Variants in CNTLN observed in about 807,000 individuals in gnomAD.
The protein encoded by CNTLN is centlein.
CNTLN carries 212 observed loss-of-function variants against 180.0 expected under a neutral mutation model. That is an observed-to-expected ratio of 1.18 (90% CI 1.05 to 1.32). The LOEUF (loss-of-function observed/expected upper bound fraction) is 1.32. CNTLN is among the 40% of genes most tolerant of loss of function. The pLI is 0.00. For synonymous variants in CNTLN, 722 were observed against 563.1 expected, an observed-to-expected ratio of 1.28 and a Z score of -3.99; for missense variants, 2,095 against 1,610.9, an observed-to-expected ratio of 1.30 and a Z score of -5.14.
intron 8 of CNTLN, among the ~76,000 whole-genome samples, chr9:17,312,116 C>T (rs897300340): frequency 6.6e-6 from 1 of 151,762 alleles, no homozygotes; most frequent in Non-Finnish European, 1.5e-5. Context: ...TATGTTCTTG[C>T]TCCTTTGCTT....
intron 2 of CNTLN, among the ~76,000 whole-genome samples, chr9:17,169,001 C>T (rs1397192250): frequency 6.6e-6 from 1 of 152,142 alleles, no homozygotes; most frequent in Non-Finnish European, 1.5e-5. Flanking sequence ...GATTTAGAGT[C>T]TTTTTATTTT....
At chr9:17,278,038 A>C (rs1376500632) in intron 6 of CNTLN, among the ~76,000 whole-genome samples, 2 of 152,146 alleles carry the variant, frequency 1.3e-5, no homozygotes, top group African/African-American at 4.8e-5. Context: ...CTGCCCAATA[A>C]GACCAATAAC....
At chr9:17,240,663 T>C (rs1825428563) in intron 5 of CNTLN, among the ~76,000 whole-genome samples, 1 of 152,162 alleles carries the variant, frequency 6.6e-6, no homozygotes, top group Non-Finnish European at 1.5e-5. Context: ...TATTAGTCCT[T>C]TGTCAGGTGG....
chr9:17,475,248 T>C (rs982429250), intron 23 of CNTLN, among the ~76,000 whole-genome samples: 1,562 of 152,232 alleles, frequency 0.01, 29 homozygotes, highest in African/African-American at 0.036. Flanking sequence ...TAAATCTAAA[T>C]CATTATTGAC....
intron 25 of CNTLN, among the ~76,000 whole-genome samples, chr9:17,489,616 A>T (rs1833047879): frequency 6.6e-6 from 1 of 152,020 alleles, no homozygotes; most frequent in African/African-American, 2.4e-5. Context: ...ATATTGATAA[A>T]ATATTCACCA....
chr9:17,384,905 A>G (rs1825568580), intron 13 of CNTLN, among the ~76,000 whole-genome samples: 1 of 152,112 alleles, frequency 6.6e-6, no homozygotes, highest in African/African-American at 2.4e-5. Flanking sequence ...CTAGCTACTT[A>G]GAATTAGTGC....
chr9:17,488,611 T>G (rs1248694363), intron 25 of CNTLN, among the ~76,000 whole-genome samples: 4 of 152,114 alleles, frequency 2.6e-5, no homozygotes, highest in Non-Finnish European at 5.9e-5. Context: ...GACCTGAGTT[T>G]TTTTGGTTAA....
chr9:17,430,052 A>G (rs762970870), intron 18 of CNTLN, among the ~76,000 whole-genome samples: 34 of 152,000 alleles, frequency 2.2e-4, no homozygotes, highest in Non-Finnish European at 7.4e-5. Flanking sequence ...TTGTATTTGA[A>G]TTGATTGTTC....
intron 13 of CNTLN, among the ~76,000 whole-genome samples, chr9:17,377,747 G>A (rs1824895935): frequency 6.6e-6 from 1 of 152,124 alleles, no homozygotes; most frequent in African/African-American, 2.4e-5. Flanking sequence ...AGAATCAGTG[G>A]TTGCTGTGAG....
chr9:17,436,597 C>G (rs1829792404), intron 18 of CNTLN, among the ~76,000 whole-genome samples: 1 of 152,268 alleles, frequency 6.6e-6, no homozygotes, highest in Admixed American at 6.5e-5. Context: ...CCCTTTAACA[C>G]TAAAAGGGCC....
At chr9:17,461,659 C>A (rs1170011990) in intron 19 of CNTLN, among the ~76,000 whole-genome samples, 1 of 151,482 alleles carries the variant, frequency 6.6e-6, no homozygotes, top group Non-Finnish European at 1.5e-5. Flanking sequence ...AACATCCAAA[C>A]CTAGGAATAG....
intron 6 of CNTLN, among the ~76,000 whole-genome samples, chr9:17,283,907 G>C (rs1174433129): frequency 6.6e-6 from 1 of 152,160 alleles, no homozygotes; most frequent in South Asian, 2.1e-4. Context: ...TTATTGATTT[G>C]TGTATGTTGA....
At chr9:17,378,339 C>A (rs1824950375) in intron 13 of CNTLN, among the ~76,000 whole-genome samples, 1 of 152,012 alleles carries the variant, frequency 6.6e-6, no homozygotes, top group Non-Finnish European at 1.5e-5. Flanking sequence ...ACCACCATGC[C>A]CAGCTAATTT....
Position 17,382,576 on chromosome 9 carries a change from C to T in CNTLN, c.1988-5586C>T, listed in dbSNP as rs540663912. On this transcript the variant is annotated intron_variant, in intron 13 of 25. Transcript: ENST00000380647. ...AATTCTTTGTGACCATAATTTAATG[C>T]ACAGTCATTAATCTGTTGAGCATAT... Among the ~76,000 whole-genome samples, 5 of 152,128 alleles carry T rather than the reference C, an allele frequency of 3.3e-5. 1 individual carries two copies. The highest frequency in any genetic ancestry group is 4.1e-4 in the South Asian group (2 of 4,822).
chr9:17,273,689 GTATT>G, intron 5 of CNTLN, 40 bp from the exon 6 acceptor site: 1 of 1,024,592 alleles, frequency 9.8e-7, no homozygotes, highest in Non-Finnish European at 1.4e-6. Context: ...GTTACATGTA[GTATT>G]TATTATGTTT....
intron 8 of CNTLN, among the ~76,000 whole-genome samples, chr9:17,323,369 C>T (rs976568984): frequency 6.6e-6 from 1 of 152,152 alleles, no homozygotes; most frequent in Non-Finnish European, 1.5e-5. Context: ...TGTTTTGTGG[C>T]ATAAATGGTG....
At chr9:17,141,896 AT>A (rs1258991101) in intron 1 of CNTLN, among the ~76,000 whole-genome samples, 1 of 152,048 alleles carries the variant, frequency 6.6e-6, no homozygotes, top group East Asian at 1.9e-4. Flanking sequence ...AGCCTGGCCA[AT>A]ATGGTGAAAC....
intron 10 of CNTLN, 27 bp from the exon 11 acceptor site, chr9:17,340,800 A>C (rs377042716): frequency 6.3e-7 from 1 of 1,588,104 alleles, no homozygotes; most frequent in Non-Finnish European, 8.6e-7. Context: ...TCAAACTTAT[A>C]TATACTTGCT....
intron 8 of CNTLN, among the ~76,000 whole-genome samples, chr9:17,322,096 T>A (rs1819954035): frequency 6.6e-6 from 1 of 152,168 alleles, no homozygotes; most frequent in Admixed American, 6.5e-5. Context: ...TGTTGCTTGA[T>A]TTAATTATAT....
Sources: gnomAD v4.1 joint callset for allele counts (sites outside exome capture counted in the v4.1 genomes callset) on GRCh38, gnomAD v4.1.1 for gene constraint, MANE v1.5 for transcripts, NCBI Gene and HGNC (gene_info 2026-07-23, HGNC 2026-07-21) for gene names.